PCSK2: variants seen among roughly 807,000 people sequenced by gnomAD.
PCSK2 encodes neuroendocrine convertase 2.
PCSK2 carries 14 observed loss-of-function variants against 69.7 expected under a neutral mutation model. The ratio of observed to expected loss-of-function variants is 0.20; its 90% CI spans 0.13 to 0.31. The LOEUF (loss-of-function observed/expected upper bound fraction) is 0.31. PCSK2 is among the 10% of genes least tolerant of loss of function. PCSK2 has a pLI of 1.00. For synonymous variants in PCSK2, 307 were observed against 320.7 expected (o/e 0.96, Z 0.46); for missense variants, 544 against 842.5 (o/e 0.65, Z 4.39).
intron 2 of PCSK2, among the ~76,000 whole-genome samples, chr20:17,294,144 G>T (rs1402646962): frequency 8.8e-6 from 1 of 113,902 alleles, no homozygotes; most frequent in African/African-American, 3.4e-5. Context: ...CCGCTGTTTA[G>T]CCCAGGCCGG....
chr20:17,481,662 C>T lies in PCSK2; in HGVS notation c.1509C>T (p.Tyr503=), dbSNP rs750129980. 1 of 1,614,164 alleles carries T rather than the reference C, an allele frequency of 6.2e-7. No individual in the cohort carries two copies. The highest frequency in any genetic ancestry group is 1.1e-5 in the South Asian group (1 of 91,084). ...AGGGGAAGGAAAATTTTGTCCGCTACCTGGAGCATGTCCAGGCTGTCATCA... is the reference window on the plus strand; with the variant it reads ...AGGGGAAGGAAAATTTTGTCCGCTATCTGGAGCATGTCCAGGCTGTCATCA... The part of the protein sequence containing the change: ...ACEGKENFVR[Y]LEHVQAVITV... Residue 503 remains tyrosine, a synonymous_variant, in exon 12 of 12, where the codon TAC becomes TAT. Transcript: ENST00000262545.
chr20:17,354,596 T>C (rs2030131755), intron 2 of PCSK2, among the ~76,000 whole-genome samples: 2 of 152,220 alleles, frequency 1.3e-5, no homozygotes, highest in African/African-American at 2.4e-5. Context: ...GGTAATTTTA[T>C]TTATAATGGA....
chr20:17,326,423 T>C (rs1990055387), intron 2 of PCSK2, among the ~76,000 whole-genome samples: 1 of 152,184 alleles, frequency 6.6e-6, no homozygotes, highest in East Asian at 1.9e-4. Context: ...GATGAGATTA[T>C]AGGTCAGAAA....
At chr20:17,284,364 A>G (rs984577772) in intron 2 of PCSK2, among the ~76,000 whole-genome samples, 4 of 152,204 alleles carry the variant, frequency 2.6e-5, no homozygotes, top group African/African-American at 9.6e-5. Context: ...ACTGTGACAT[A>G]CAGCACACTA....
intron 6 of PCSK2, among the ~76,000 whole-genome samples, chr20:17,428,818 G>A (rs2032302095): frequency 6.6e-6 from 1 of 151,258 alleles, no homozygotes; most frequent in African/African-American, 2.4e-5. Flanking sequence ...GGGCAACATG[G>A]GAAACCCCCT....
At chr20:17,318,103 A>G (rs545735972) in intron 2 of PCSK2, among the ~76,000 whole-genome samples, 1 of 152,344 alleles carries the variant, frequency 6.6e-6, no homozygotes, top group Non-Finnish European at 1.5e-5. Flanking sequence ...ATGTGTTCTA[A>G]GATCTGCCAT....
chr20:17,421,231 C>G (rs1317372984), intron 6 of PCSK2, among the ~76,000 whole-genome samples: 1 of 152,208 alleles, frequency 6.6e-6, no homozygotes, highest in African/African-American at 2.4e-5. Context: ...AAATGTCTAG[C>G]ATCTGGCCTC....
At chr20:17,259,295 T>C (rs1011459364) in intron 1 of PCSK2, among the ~76,000 whole-genome samples, 4 of 152,226 alleles carry the variant, frequency 2.6e-5, no homozygotes, top group Admixed American at 6.5e-5. Flanking sequence ...TATTTGTCTA[T>C]AATTTGTAAG....
intron 10 of PCSK2, among the ~76,000 whole-genome samples, chr20:17,457,208 C>T (rs962613155): frequency 3.3e-5 from 5 of 152,164 alleles, no homozygotes; most frequent in African/African-American, 4.8e-5. Context: ...GTGTAAGTGC[C>T]GGCTGTGTAG....
intron 2 of PCSK2, among the ~76,000 whole-genome samples, chr20:17,334,234 C>T (rs1990286999): frequency 6.6e-6 from 1 of 151,974 alleles, no homozygotes; most frequent in African/African-American, 2.4e-5. Flanking sequence ...CAGAAACCTC[C>T]TGATGTAGGA....
At position 17,316,004 on chromosome 20, in the gene PCSK2, T is replaced by A. The variant is rs570138230; in HGVS notation, c.283-42323T>A. Among the ~76,000 whole-genome samples the A allele has an allele frequency of 5.9e-5, 9 of 152,250 alleles. No individual in the cohort carries two copies. The East Asian group carries it at 1.7e-3, about 29-fold the overall frequency. ...CGCGATCATTCCTGCTGGGAGCGAG[T>A]GCGCCACAGAGATTAACTCTGCCTC... On this transcript the variant is annotated intron_variant, in intron 2 of 11. Transcript: ENST00000262545.
chr20:17,417,023 G>T (rs2032014359), intron 6 of PCSK2, among the ~76,000 whole-genome samples: 2 of 149,614 alleles, frequency 1.3e-5, no homozygotes, highest in Non-Finnish European at 3.0e-5. Context: ...GGCCTGTCAG[G>T]GGGTGTGGCA....
At position 17,483,748 on chromosome 20, in the gene PCSK2, A is replaced by G. The variant is rs1231476390; in HGVS notation, c.*1678A>G. ...TAAAGTGTAATAATATGATTTTTTA[A>G]AAGAAATTTATTACTTGTTGCAAAG... On this transcript the variant is annotated 3_prime_UTR_variant, in exon 12 of 12. Transcript: ENST00000262545. 2 of 152,636 alleles carry G rather than the reference A, an allele frequency of 1.3e-5. No individual in the cohort carries two copies. Among genetic ancestry groups the G allele is most frequent in the African/African-American group, 4.8e-5 (2 of 41,464 alleles). 9.5% of individuals were successfully genotyped at this position (152,636 alleles called of 1,614,324 possible). A position where few individuals can be genotyped will look rare whatever the true frequency, so the allele number is the denominator to read the frequency against.
chr20:17,315,759 T>A (rs1989668290), intron 2 of PCSK2, among the ~76,000 whole-genome samples: 1 of 152,106 alleles, frequency 6.6e-6, no homozygotes, highest in East Asian at 1.9e-4. Context: ...GCTGGGTGAA[T>A]GTGAATCGCC....
At chr20:17,277,233 A>G (rs1988118119) in intron 2 of PCSK2, among the ~76,000 whole-genome samples, 2 of 152,146 alleles carry the variant, frequency 1.3e-5, no homozygotes, top group Admixed American at 1.3e-4. Flanking sequence ...AAGTTTATAT[A>G]GAACCAAAAA....
rs1568589442 is a variant in PCSK2, at chr20:17,295,554, T to TA, written c.282+35210_282+35211insA. Among the ~76,000 whole-genome samples, 153 of 147,706 alleles carry TA rather than the reference T, an allele frequency of 1.0e-3. 4 individuals carry two copies. The East Asian group carries it at 0.021, about 20-fold the overall frequency. The stretch of plus-strand genomic sequence containing the variant: ...ATTTATTTATTTATATTATATATAT[T>TA]TATTTATTTATTTATTATTTATTTT... On this transcript the variant is annotated intron_variant, in intron 2 of 11. Transcript: ENST00000262545.
rs555139766 is a variant in PCSK2 at position 17,409,788 on chromosome 20, T to C, written c.620+449T>C. ...GAGTCCCTTTCAACAAAACAGTAAG[T>C]GTGATTGGCAGAGGTTTGAAGTATT... On this transcript the variant is annotated intron_variant, in intron 6 of 11. Coordinates refer to ENST00000262545, the MANE Select transcript of PCSK2 (RefSeq NM_002594.5). 7.2e-5 allele frequency among the ~76,000 whole-genome samples: 11 copies of C among 152,308 alleles called. No individual in the cohort carries two copies. The East Asian group carries it at 9.7e-4, about 13-fold the overall frequency.
intron 5 of PCSK2, among the ~76,000 whole-genome samples, chr20:17,370,052 C>T (rs187729242): frequency 1.3e-5 from 2 of 152,336 alleles, no homozygotes; most frequent in Non-Finnish European, 2.9e-5. Flanking sequence ...TCACACGCTG[C>T]TTTCCTGATG....
intron 2 of PCSK2, among the ~76,000 whole-genome samples, chr20:17,334,947 A>C (rs1990303236): frequency 6.6e-6 from 1 of 152,224 alleles, no homozygotes; most frequent in African/African-American, 2.4e-5. Flanking sequence ...CTGGTGTAAA[A>C]CCGGCAACTC....
Sources: allele counts gnomAD v4.1 joint callset (sites outside exome capture counted in the v4.1 genomes callset), GRCh38; gene constraint gnomAD v4.1.1; transcripts MANE v1.5; gene names NCBI Gene and HGNC (gene_info 2026-07-23, HGNC 2026-07-21).